The following SAMD4A variants were observed in gnomAD, a reference collection of about 807,000 sequenced individuals.
SAMD4A encodes the protein sterile alpha motif domain containing 4A, also known as protein Smaug homolog 1.
A neutral mutation model predicts 81.3 loss-of-function variants in SAMD4A; 33 were observed. The observed-to-expected ratio is 0.41, with a 90% confidence interval of 0.31 to 0.54. The LOEUF is 0.54. SAMD4A is among the 20% of genes least tolerant of loss of function. The pLI is 0.37. For synonymous variants in SAMD4A, 389 were observed against 382.1 expected, an observed-to-expected ratio of 1.02 and a Z score of -0.21; for missense variants, 854 against 951.1, an observed-to-expected ratio of 0.90 and a Z score of 1.34.
At chr14:54,627,602 C>T (rs1044610585) in intron 2 of SAMD4A, among the ~76,000 whole-genome samples, 54 of 152,284 alleles carry the variant, frequency 3.5e-4, no homozygotes, top group South Asian at 1.0e-3. Context: ...TTTTTGTCAG[C>T]GGCTGTTACT....
chr14:54,641,758 T>G (rs1297333082), intron 2 of SAMD4A, among the ~76,000 whole-genome samples: 1 of 152,116 alleles, frequency 6.6e-6, no homozygotes, highest in Non-Finnish European at 1.5e-5. Context: ...ACCTTTAATT[T>G]TCTACACAGG....
intron 2 of SAMD4A, among the ~76,000 whole-genome samples, chr14:54,598,065 C>A (rs2033959917): frequency 6.6e-6 from 1 of 152,210 alleles, no homozygotes; most frequent in Non-Finnish European, 1.5e-5. Flanking sequence ...AAGAAAGAGA[C>A]AGGGAGACTA....
chr14:54,770,264 C>A, intron 9 of SAMD4A, 42 bp downstream of exon 9: 1 of 1,382,420 alleles, frequency 7.2e-7, no homozygotes, highest in South Asian at 1.2e-5. Flanking sequence ...AGTGGTTCCC[C>A]TGGCGCCTTG....
chr14:54,653,349 T>G (rs977184130), intron 2 of SAMD4A, among the ~76,000 whole-genome samples: 1 of 124,904 alleles, frequency 8.0e-6, no homozygotes, highest in African/African-American at 3.0e-5. Context: ...ATTATTATTA[T>G]TATTTGAGGC....
At chr14:54,595,769 A>G (rs1489631354) in intron 2 of SAMD4A, among the ~76,000 whole-genome samples, 1 of 152,196 alleles carries the variant, frequency 6.6e-6, no homozygotes, top group Non-Finnish European at 1.5e-5. Context: ...TTATGTGGGC[A>G]TTTTAGGAAA....
chr14:54,790,259 T>G lies in SAMD4A; in HGVS notation c.*1315T>G, dbSNP rs1048241671. ...TCAGTCAGCAAGTCCAGAGAGCACA[T>G]GCAGGGAGATGTTTGGCCCACACCG... is the stretch of plus-strand genomic sequence containing the variant. On this transcript the variant is annotated 3_prime_UTR_variant, in exon 13 of 13. Transcript: ENST00000554335. 17 of 152,328 alleles carry G rather than the reference T, an allele frequency of 1.1e-4. No individual in the cohort carries two copies. The highest frequency in any genetic ancestry group is 4.1e-4 in the African/African-American group (17 of 41,420). The allele number at this position is 152,328 out of a possible 1,614,324, so 9.4% of individuals were successfully genotyped here.
At chr14:54,775,617 C>A (rs996437041) in intron 10 of SAMD4A, among the ~76,000 whole-genome samples, 1 of 152,096 alleles carries the variant, frequency 6.6e-6, no homozygotes, top group African/African-American at 2.4e-5. Flanking sequence ...TCTTGCTGTG[C>A]AGTTTAGAGC....
chr14:54,614,846 A>G (rs2140280155), intron 2 of SAMD4A, among the ~76,000 whole-genome samples: 1 of 152,298 alleles, frequency 6.6e-6, no homozygotes, highest in Non-Finnish European at 1.5e-5. Context: ...TGACATGGGA[A>G]GTGGCTCTGT....
rs1566639864 is a variant in SAMD4A, at chr14:54,784,541, C to A, written c.2049C>A (p.Phe683Leu). The change falls in exon 12 of 13, where the codon TTC (phenylalanine) becomes TTA (leucine). Residue 683 changes from phenylalanine to leucine, a missense_variant. Phe to Leu is a conservative substitution (Grantham distance 22). Coordinates refer to ENST00000554335, the MANE Select transcript of SAMD4A (RefSeq NM_015589.6). ...QNMLMFQQPEFQLPVTEPDIN... is the reference protein window; with the variant it reads ...QNMLMFQQPELQLPVTEPDIN... ...ATAACCCTTTATCGCCTGCAGAATT[C>A]CAGCTTCCCGTGACCGAACCTGACA... 6.2e-7 allele frequency: 1 copy of A among 1,614,162 alleles called. No individual in the cohort carries two copies. Among genetic ancestry groups the A allele is most frequent in the Admixed American group, 1.7e-5 (1 of 60,024 alleles).
intron 2 of SAMD4A, among the ~76,000 whole-genome samples, chr14:54,595,394 T>C (rs1317981089): frequency 1.3e-5 from 2 of 149,228 alleles, no homozygotes; most frequent in African/African-American, 4.9e-5. Flanking sequence ...TGGTGCCATA[T>C]ATATATATGT....
intron 3 of SAMD4A, among the ~76,000 whole-genome samples, chr14:54,722,315 A>C (rs1225416067): frequency 1.3e-5 from 2 of 152,158 alleles, no homozygotes; most frequent in African/African-American, 2.4e-5. Flanking sequence ...AAGATGTGAC[A>C]GCTTTGGTTC....
intron 2 of SAMD4A, among the ~76,000 whole-genome samples, chr14:54,637,515 G>C (rs531833356): frequency 6.6e-6 from 1 of 152,212 alleles, no homozygotes; most frequent in African/African-American, 2.4e-5. Context: ...AGGAGAAAGT[G>C]TCCAAAGCAT....
At chr14:54,723,634 A>T (rs1290223824) in intron 3 of SAMD4A, among the ~76,000 whole-genome samples, 1 of 152,220 alleles carries the variant, frequency 6.6e-6, no homozygotes, top group African/African-American at 2.4e-5. Flanking sequence ...GGAAAGTGTT[A>T]CTTAGAATAT....
intron 2 of SAMD4A, among the ~76,000 whole-genome samples, chr14:54,662,931 C>T (rs750619191): frequency 2.6e-5 from 4 of 152,192 alleles, no homozygotes; most frequent in Non-Finnish European, 5.9e-5. Context: ...GCTCCCTGCA[C>T]TGGGCAGTAA....
intron 2 of SAMD4A, among the ~76,000 whole-genome samples, chr14:54,574,500 A>G (rs1023836078): frequency 6.6e-6 from 1 of 152,196 alleles, no homozygotes; most frequent in Admixed American, 6.5e-5. Context: ...GGGCCTTTGA[A>G]GGATGAATGT....
chr14:54,675,563 A>G (rs1162295957), intron 2 of SAMD4A, among the ~76,000 whole-genome samples: 3 of 152,156 alleles, frequency 2.0e-5, no homozygotes, highest in African/African-American at 7.2e-5. Flanking sequence ...GAGAGCTTCA[A>G]AGTCTTTACT....
intron 2 of SAMD4A, among the ~76,000 whole-genome samples, chr14:54,659,086 G>C (rs1331067745): frequency 6.6e-6 from 1 of 152,224 alleles, no homozygotes; most frequent in Non-Finnish European, 1.5e-5. Flanking sequence ...ACAAAACCTG[G>C]AATCCAGTAC....
At chr14:54,612,780 A>G (rs1022767194) in intron 2 of SAMD4A, among the ~76,000 whole-genome samples, 2 of 152,158 alleles carry the variant, frequency 1.3e-5, no homozygotes, top group Non-Finnish European at 2.9e-5. Flanking sequence ...GGGTGGGAAG[A>G]CTACCCGAGG....
rs1316293215 is a variant in SAMD4A at position 54,789,707 on chromosome 14, G to A, written c.*763G>A. Reference sequence around the variant, plus strand: ...AGCAGCAGAGTTGTCTTCTCAAAACGGCTGCCAAGCTCTGCTTCTTGGGAA... The same window carrying A: ...AGCAGCAGAGTTGTCTTCTCAAAACAGCTGCCAAGCTCTGCTTCTTGGGAA... On this transcript the variant is annotated 3_prime_UTR_variant, in exon 13 of 13. Transcript: ENST00000554335. 3 of 152,134 alleles carry A rather than the reference G, an allele frequency of 2.0e-5. No individual in the cohort carries two copies. The highest frequency in any genetic ancestry group is 4.1e-4 in the South Asian group (2 of 4,822). 9.4% of individuals were successfully genotyped at this position (152,134 alleles called of 1,614,324 possible).
Sources: gnomAD v4.1 joint callset for allele counts (sites outside exome capture counted in the v4.1 genomes callset) on GRCh38, gnomAD v4.1.1 for gene constraint, MANE v1.5 for transcripts, NCBI Gene and HGNC (gene_info 2026-07-23, HGNC 2026-07-21) for gene names.